Variants in TNFRSF4 observed in about 807,000 individuals in gnomAD.
TNFRSF4 encodes the protein tumor necrosis factor receptor superfamily member 4.
TNFRSF4 carries 21 observed loss-of-function variants against 29.5 expected under a neutral mutation model. That is an observed-to-expected ratio of 0.71 (90% confidence interval 0.51 to 1.03). The LOEUF (loss-of-function observed/expected upper bound fraction) is 1.03, where lower values mean the gene tolerates loss of function less well. TNFRSF4 is among the 50% of genes least tolerant of loss of function. The probability of loss-of-function intolerance (pLI) is 0.00; values close to 1 mark genes in which losing one functional copy is unlikely to be tolerated. For missense variants in TNFRSF4, 408 were observed against 387.8 expected (o/e 1.05, Z -0.44); for synonymous variants, 197 against 172.7 (o/e 1.14, Z -1.10).
At position 1,214,087 on chromosome 1, in the gene TNFRSF4, G is replaced by A. The variant is rs569590056; in HGVS notation, c.41C>T (p.Ala14Val). The A allele has an allele frequency of 1.8e-5, 29 of 1,588,904 alleles. No individual in the cohort carries two copies. Among genetic ancestry groups the A allele is most frequent in the East Asian group, 4.5e-5 (2 of 44,074 alleles). ...CCCCAGGCCCAGGAGGAGCAGAGCC[G>A]CACACGGCCCGCGGCCCAGCCGCCG... ...GARRLGRGPC[A>V]ALLLLGLGLS... Residue 14 changes from alanine (A) to valine (V), a missense_variant, in exon 1 of 7, where the codon GCG becomes GTG. Coordinates refer to ENST00000379236, the MANE Select transcript of TNFRSF4 (RefSeq NM_003327.4). The surrounding 1 kb of genome is among the most constrained non-coding windows in gnomAD (Gnocchi z 4.2).
rs779713650 is a variant in TNFRSF4, at chr1:1,212,138, G to C, written c.438C>G (p.Asn146Lys). Residue 146 changes from asparagine to lysine, a missense_variant and splice_region_variant, in exon 5 of 7, where the codon AAC (asparagine) becomes AAG (lysine). Coordinates refer to ENST00000379236, the MANE Select transcript of TNFRSF4 (RefSeq NM_003327.4). ...GDNQACKPWT[N>K]CTLAGKHTLQ... ...GGGTGTGCTTCCCAGCCAAGGTGCA[G>C]CTGTTGGGGAACAGGAGGTGTTGCT... 1.2e-6 allele frequency: 2 copies of C among 1,612,500 alleles called. No individual in the cohort carries two copies. The highest frequency in any genetic ancestry group is 1.7e-6 in the Non-Finnish European group (2 of 1,179,740).
At chr1:1,213,443 C>A (rs1419615740) in intron 2 of TNFRSF4, 10 of 1,525,458 alleles carry the variant, frequency 6.6e-6, no homozygotes, top group Non-Finnish European at 8.8e-6. Context: ...GTCTCCCCGA[C>A]TCCACGTGGC....
At chr1:1,213,882 A>ACCCCCCCC in intron 1 of TNFRSF4, 97 bp from the exon 2 acceptor site, 7 of 1,265,942 alleles carry the variant, frequency 5.5e-6, no homozygotes, top group Non-Finnish European at 7.2e-6. Context: ...CCGGCCCCTC[A>ACCCCCCCC]CCCGCCCCCT....
Position 1,213,759 on chromosome 1 carries a change from G to C in TNFRSF4, c.172C>G (p.Arg58Gly), listed in dbSNP as rs780860323. The change falls in exon 2 of 7, where the codon CGC becomes GGC. Residue 58 changes from arginine (R) to glycine (G), a missense_variant. Physicochemically the swap from Arg to Gly is moderately radical, Grantham distance 125. Transcript: ENST00000379236. Reference sequence around the variant, plus strand: ...GGACGGCACACCGTGTTCTGGGAGCGGCTGCAGCGGCTCACCATCCCGTTG... The same window carrying C: ...GGACGGCACACCGTGTTCTGGGAGCCGCTGCAGCGGCTCACCATCCCGTTG... ...PGNGMVSRCS[R>G]SQNTVCRPCG... The C allele has an allele frequency of 1.9e-6, 3 of 1,601,838 alleles. No homozygotes were observed. The highest frequency in any genetic ancestry group is 2.6e-6 in the Non-Finnish European group (3 of 1,175,782).
rs35304565 is a variant in TNFRSF4, at chr1:1,214,100, G to A, written c.28C>T (p.Arg10Cys). 7.7e-3 allele frequency: 12,255 copies of A among 1,585,918 alleles called. 100 individuals carry two copies. Among genetic ancestry groups the A allele is most frequent in the South Asian group, 0.024 (2,128 of 88,370 alleles). Residue 10 changes from arginine (R) to cysteine (C), a missense_variant, in exon 1 of 7, where the codon CGC becomes TGC. By Grantham distance (180) the Arg-to-Cys change is radical. Coordinates refer to ENST00000379236, the MANE Select transcript of TNFRSF4 (RefSeq NM_003327.4). The surrounding 1 kb of genome is among the most constrained non-coding windows in gnomAD (Gnocchi z 4.2). ...AGGAGCAGAGCCGCACACGGCCCGC[G>A]GCCCAGCCGCCGAGCCCCCACGCAC... The part of the protein sequence containing the change: MCVGARRLG[R>C]GPCAALLLLG...
chr1:1,212,975 G>T lies in TNFRSF4; in HGVS notation c.370+17C>A, dbSNP rs369074008. The T allele has an allele frequency of 3.1e-6, 5 of 1,601,348 alleles. No individual in the cohort carries two copies. Among genetic ancestry groups the T allele is most frequent in the Non-Finnish European group, 3.4e-6 (4 of 1,174,302 alleles). The stretch of plus-strand genomic sequence containing the variant: ...CTATGCACACCCCCAACCGCCGGCC[G>T]CAGCCACCGAGCTCACCAACTCCAG... On this transcript the variant is annotated intron_variant, in intron 3 of 6. Coordinates refer to ENST00000379236, the MANE Select transcript of TNFRSF4 (RefSeq NM_003327.4).
At position 1,212,654 on chromosome 1, in the gene TNFRSF4, A is replaced by T; in HGVS notation, c.421T>A (p.Cys141Ser). Residue 141 changes from cysteine to serine, a missense_variant, in exon 4 of 7, where the codon TGC becomes AGC. Cys to Ser is a moderately radical substitution (Grantham distance 112, BLOSUM62 -1). Transcript: ENST00000379236. ...GCCCCTCACTTGGTCCAGGGCTTGC[A>T]GGCCTGGTTGTCGCCTGGGGAGAAG... ...GHFSPGDNQA[C>S]KPWTNCTLAG... 7.0e-7 allele frequency: 1 copy of T among 1,430,590 alleles called. No homozygotes were observed. Among genetic ancestry groups the T allele is most frequent in the Non-Finnish European group, 9.2e-7 (1 of 1,084,506 alleles). The allele number at this position is 1,430,590 out of a possible 1,614,324, so 88.6% of individuals were successfully genotyped here. A position where few individuals can be genotyped will look rare whatever the true frequency, so the allele number is the denominator to read the frequency against.
chr1:1,211,732 C>T lies in TNFRSF4; in HGVS notation c.735G>A (p.Arg245=). 1.3e-6 allele frequency: 2 copies of T among 1,581,916 alleles called. No homozygotes were observed. Among genetic ancestry groups the T allele is most frequent in the Non-Finnish European group, 1.7e-6 (2 of 1,165,418 alleles). ...GGGGCTTGTGGGCATCGGGGGGCAG[C>T]CTCTGGTCCCTCCGGAGCAGGTACA... The part of the protein sequence containing the change: ...LALYLLRRDQ[R]LPPDAHKPPG... The change falls in exon 6 of 7, where the codon AGG becomes AGA. Residue 245 remains arginine, a synonymous_variant. Coordinates refer to ENST00000379236, the MANE Select transcript of TNFRSF4 (RefSeq NM_003327.4).
rs35160621 is a variant in TNFRSF4 at position 1,211,585 on chromosome 1, G to A, written c.804C>T (p.Ala268=). 1,465 of 1,519,314 alleles carry A rather than the reference G, an allele frequency of 9.6e-4. 12 individuals carry two copies. The African/African-American group carries it at 0.018, about 19-fold the overall frequency. The allele number at this position is 1,519,314 out of a possible 1,614,324, so 94.1% of individuals were successfully genotyped here. A position where few individuals can be genotyped will look rare whatever the true frequency, so the allele number is the denominator to read the frequency against. ...TCTTGGCCAGGGTGGAGTGGGCGTCGGCCTGCTCCTCTTGGATGGGGGTCC... is the reference window on the plus strand; with the variant it reads ...TCTTGGCCAGGGTGGAGTGGGCGTCAGCCTGCTCCTCTTGGATGGGGGTCC... ...SFRTPIQEEQ[A]DAHSTLAKI The change falls in exon 7 of 7, where the codon GCC becomes GCT. Residue 268 remains alanine (A), a synonymous_variant. Transcript: ENST00000379236.
chr1:1,214,121 C>CGGG lies in TNFRSF4; in HGVS notation c.6_7insCCC (p.Cys2_Val3insPro). On this transcript the variant is annotated inframe_insertion, in exon 1 of 7. Coordinates refer to ENST00000379236, the MANE Select transcript of TNFRSF4 (RefSeq NM_003327.4). The surrounding 1 kb of genome is among the most constrained non-coding windows in gnomAD (Gnocchi z 4.2). ...CCGCGGCCCAGCCGCCGAGCCCCCA[C>CGGG]GCACATCCTCGTCTCTGCTGTCGCC... is the stretch of plus-strand genomic sequence containing the variant. The CGGG allele has an allele frequency of 6.3e-7, 1 of 1,579,564 alleles. No individual in the cohort carries two copies. The highest frequency in any genetic ancestry group is 8.6e-7 in the Non-Finnish European group (1 of 1,169,286).
intron 4 of TNFRSF4, 115 bp from the exon 5 acceptor site, chr1:1,212,253 C>A (rs1649175693): frequency 9.8e-6 from 12 of 1,228,336 alleles, no homozygotes; most frequent in African/African-American, 1.5e-5. Context: ...CCACAGACAC[C>A]AGGCCAGTGA....
intron 3 of TNFRSF4, 38 bp from the exon 4 acceptor site, chr1:1,212,742 G>T: frequency 6.7e-7 from 1 of 1,485,648 alleles, no homozygotes; most frequent in Non-Finnish European, 9.0e-7. Context: ...CTGCCCACAG[G>T]CCCCGGGTGC....
Position 1,212,011 on chromosome 1 carries a change from CAGTGATGGGCCTGG to C in TNFRSF4, c.551_564del (p.Ala184GlyfsTer5). On this transcript the variant is annotated frameshift_variant, in exon 5 of 7. Coordinates refer to ENST00000379236, the MANE Select transcript of TNFRSF4 (RefSeq NM_003327.4). LOFTEE classifies it high-confidence loss of function. Reference sequence around the variant, plus strand: ...CTGGGCCAGGCTTCAGTGGGCTGGACAGTGATGGGCCTGGCCGGGGGGCCCTGGGTCTCCTGGGG... The same window carrying C: ...CTGGGCCAGGCTTCAGTGGGCTGGACCCGGGGGGCCCTGGGTCTCCTGGGG... 2 of 1,609,618 alleles carry C rather than the reference CAGTGATGGGCCTGG, an allele frequency of 1.2e-6. No homozygotes were observed. Among genetic ancestry groups the C allele is most frequent in the Non-Finnish European group, 1.7e-6 (2 of 1,178,680 alleles).
At position 1,211,341 on chromosome 1, in the gene TNFRSF4, C is replaced by T; in HGVS notation, c.*214G>A. ...CAGCCCACAGTGCCGGTCGGAGACT[C>T]CCGTCTGCCAAGGTTTTTATTGTGG... On this transcript the variant is annotated 3_prime_UTR_variant, in exon 7 of 7. Transcript: ENST00000379236. 2.1e-6 allele frequency: 1 copy of T among 466,856 alleles called. No homozygotes were observed. Among genetic ancestry groups the T allele is most frequent in the Non-Finnish European group, 3.7e-6 (1 of 270,908 alleles). 28.9% of individuals were successfully genotyped at this position (466,856 alleles called of 1,614,324 possible). A position where few individuals can be genotyped will look rare whatever the true frequency, so the allele number is the denominator to read the frequency against.
At chr1:1,212,340 A>AC (rs1649183178) in intron 4 of TNFRSF4, among the ~76,000 whole-genome samples, 1 of 148,702 alleles carries the variant, frequency 6.7e-6, no homozygotes, top group Admixed American at 6.6e-5. Context: ...CCACATCTAC[A>AC]CCCCCCACCA....
intron 4 of TNFRSF4, 122 bp downstream of exon 4, chr1:1,212,516 T>TC: frequency 7.0e-6 from 3 of 425,602 alleles, no homozygotes; most frequent in Non-Finnish European, 7.7e-6. Context: ...CACCTCCCCT[T>TC]CCCCCAAAAC....
At chr1:1,212,584 C>A in intron 4 of TNFRSF4, 54 bp downstream of exon 4, 1 of 1,224,342 alleles carries the variant, frequency 8.2e-7, no homozygotes, top group Non-Finnish European at 1.1e-6. Context: ...CTCCGCCCTC[C>A]TAACCACCCC....
In TNFRSF4 at chr1:1,214,099, C is replaced by T. The variant is rs774474644; in HGVS notation, c.29G>A (p.Arg10His). Residue 10 changes from arginine to histidine, a missense_variant, in exon 1 of 7, where the codon CGC (arginine) becomes CAC (histidine). Physicochemically the swap from Arg to His is conservative, Grantham distance 29 (BLOSUM62 0). Transcript: ENST00000379236. This position sits in a 1 kb window ranked among gnomAD's most constrained non-coding sequence, Gnocchi z 4.2. Reference protein sequence around the residue: MCVGARRLGRGPCAALLLLG... With the variant: MCVGARRLGHGPCAALLLLG... ...GAGGAGCAGAGCCGCACACGGCCCG[C>T]GGCCCAGCCGCCGAGCCCCCACGCA... 30 of 1,585,268 alleles carry T rather than the reference C, an allele frequency of 1.9e-5. No homozygotes were observed. The South Asian group carries it at 2.2e-4, about 11-fold the overall frequency.
In TNFRSF4 at chr1:1,211,780, G is replaced by T. The variant is rs879206506; in HGVS notation, c.687C>A (p.Gly229=). 7 of 1,559,808 alleles carry T rather than the reference G, an allele frequency of 4.5e-6. No individual in the cohort carries two copies. The highest frequency in any genetic ancestry group is 2.3e-5 in the South Asian group (2 of 85,442). The stretch of plus-strand genomic sequence containing the variant: ...ACAGGGCCAGCAGGATGGCCAGGGG[G>T]CCCAGCAGCCCCAGCACCAGGCCCA... The part of the protein sequence containing the change: ...LGLGLVLGLL[G]PLAILLALYL... Residue 229 remains glycine (G), a synonymous_variant, in exon 6 of 7, where the codon GGC becomes GGA. Coordinates refer to ENST00000379236, the MANE Select transcript of TNFRSF4 (RefSeq NM_003327.4).
Sources: gnomAD v4.1 joint callset for allele counts (sites outside exome capture counted in the v4.1 genomes callset) on GRCh38, gnomAD v4.1.1 for gene constraint, Gnocchi (gnomAD v3.1) non-coding constraint, MANE v1.5 for transcripts, NCBI Gene and HGNC (gene_info 2026-07-23, HGNC 2026-07-21) for gene names.